The following SLIT3 variants were observed in gnomAD, a reference collection of about 807,000 sequenced individuals.
The protein encoded by SLIT3 is slit guidance ligand 3, also known as slit homolog 3 protein.
SLIT3 carries 68 observed loss-of-function variants against 184.0 expected under a neutral mutation model. The ratio of observed to expected loss-of-function variants is 0.37; its 90% CI spans 0.30 to 0.45. The LOEUF (loss-of-function observed/expected upper bound fraction) is 0.45. Among genes scored for constraint, SLIT3 ranks in the 20% least tolerant of loss-of-function variants. The pLI is 1.00. For synonymous variants in SLIT3, 831 were observed against 828.6 expected, an observed-to-expected ratio of 1.00 and a Z score of -0.05; for missense variants, 1,707 against 2,026.0, an observed-to-expected ratio of 0.84 and a Z score of 3.02.
chr5:168,937,317 A>T (rs1284068767), intron 4 of SLIT3, among the ~76,000 whole-genome samples: 1 of 152,138 alleles, frequency 6.6e-6, no homozygotes, highest in East Asian at 1.9e-4. Context: ...AAGTGTTGTG[A>T]GCAGGAGAGT....
chr5:169,137,884 T>C (rs1761581492), intron 4 of SLIT3, among the ~76,000 whole-genome samples: 1 of 152,122 alleles, frequency 6.6e-6, no homozygotes, highest in African/African-American at 2.4e-5. Context: ...TTTTATGACC[T>C]TTTCCTCATC....
chr5:168,822,300 A>G (rs1177411279), intron 7 of SLIT3, among the ~76,000 whole-genome samples: 1 of 152,186 alleles, frequency 6.6e-6, no homozygotes, highest in Non-Finnish European at 1.5e-5. Context: ...GGCACTTTAA[A>G]TATCTAATTT....
At chr5:168,795,968 A>G (rs1017011861) in intron 9 of SLIT3, among the ~76,000 whole-genome samples, 2 of 152,236 alleles carry the variant, frequency 1.3e-5, no homozygotes, top group African/African-American at 4.8e-5. Context: ...ATGGGCCAGC[A>G]ATGCTTATCT....
chr5:168,924,752 A>G (rs1761758129), intron 4 of SLIT3, among the ~76,000 whole-genome samples: 1 of 152,150 alleles, frequency 6.6e-6, no homozygotes, highest in South Asian at 2.1e-4. Flanking sequence ...AGCTCAAGCA[A>G]TCTGCTCGCT....
At chr5:168,852,704 C>A (rs1196453386) in intron 5 of SLIT3, among the ~76,000 whole-genome samples, 1 of 152,190 alleles carries the variant, frequency 6.6e-6, no homozygotes, top group South Asian at 2.1e-4. Flanking sequence ...ACTAACTAAC[C>A]CTTTGAAGGC....
chr5:168,949,458 C>T (rs1762579769), intron 4 of SLIT3, among the ~76,000 whole-genome samples: 1 of 152,286 alleles, frequency 6.6e-6, no homozygotes, highest in South Asian at 2.1e-4. Flanking sequence ...TATAGCCAGC[C>T]TATCCTCCAG....
chr5:169,080,561 C>T (rs1428191613), intron 4 of SLIT3, among the ~76,000 whole-genome samples: 1 of 152,114 alleles, frequency 6.6e-6, no homozygotes, highest in East Asian at 1.9e-4. Context: ...TCTAGGGCCT[C>T]CGAGGTGAGA....
At chr5:169,111,855 G>A (rs773559602) in intron 4 of SLIT3, among the ~76,000 whole-genome samples, 3 of 152,168 alleles carry the variant, frequency 2.0e-5, no homozygotes, top group South Asian at 2.1e-4. Context: ...TCTAGGGGAC[G>A]GTGATGCAAA....
chr5:168,986,254 A>T lies in SLIT3; in HGVS notation c.414-102918T>A, dbSNP rs1231207454. Among the ~76,000 whole-genome samples the T allele has an allele frequency of 3.9e-5, 6 of 152,192 alleles. No individual in the cohort carries two copies. The South Asian group carries it at 1.2e-3, about 32-fold the overall frequency. On this transcript the variant is annotated intron_variant, in intron 4 of 35. Transcript: ENST00000519560. The stretch of plus-strand genomic sequence containing the variant: ...ACGTAGGGCAAAAATCACGATCCCT[A>T]TATGATAGATGATGAAATGGAGGCC...
At chr5:168,699,260 G>T (rs1301105853) in intron 27 of SLIT3, among the ~76,000 whole-genome samples, 2 of 152,240 alleles carry the variant, frequency 1.3e-5, no homozygotes, top group African/African-American at 4.8e-5. Flanking sequence ...CGGGGGAAGA[G>T]AACCGGGAGC....
At position 168,884,549 on chromosome 5, in the gene SLIT3, GATATATATATATAT is replaced by G. The variant is rs58407375; in HGVS notation, c.414-1227_414-1214del. Among the ~76,000 whole-genome samples, 48 of 41,150 alleles carry G rather than the reference GATATATATATATAT, an allele frequency of 1.2e-3. 3 individuals carry two copies. The highest frequency in any genetic ancestry group is 5.7e-3 in the Admixed American group (17 of 2,980). The allele number at this position is 41,150 out of a possible 152,430, so 27.0% of individuals were successfully genotyped here. A position where few individuals can be genotyped will look rare whatever the true frequency, so the allele number is the denominator to read the frequency against. ...ATCTAACTACTGCTACCAATTACGA[GATATATATATATAT>G]ATATATATATATATATATGAAATTC... On this transcript the variant is annotated intron_variant, in intron 4 of 35. Transcript: ENST00000519560.
intron 4 of SLIT3, among the ~76,000 whole-genome samples, chr5:168,946,126 C>G (rs1284532281): frequency 1.3e-5 from 2 of 152,184 alleles, no homozygotes; most frequent in Non-Finnish European, 2.9e-5. Context: ...CTGAGTTTAC[C>G]TGGCTGGTTT....
intron 4 of SLIT3, among the ~76,000 whole-genome samples, chr5:168,892,182 T>C (rs1760488897): frequency 6.6e-6 from 1 of 152,260 alleles, no homozygotes; most frequent in Non-Finnish European, 1.5e-5. Flanking sequence ...AATTTTAATA[T>C]GATATTTAAC....
At chr5:168,775,688 T>C (rs1242591392) in intron 12 of SLIT3, among the ~76,000 whole-genome samples, 1 of 152,182 alleles carries the variant, frequency 6.6e-6, no homozygotes, top group Non-Finnish European at 1.5e-5. Flanking sequence ...AGATGTATAA[T>C]AACTCCATAT....
intron 26 of SLIT3, among the ~76,000 whole-genome samples, chr5:168,703,795 T>C (rs575519571): frequency 6.6e-5 from 10 of 151,670 alleles, no homozygotes; most frequent in African/African-American, 2.2e-4. Context: ...CTACTAAAAA[T>C]ACAAAAATTA....
At chr5:168,825,960 C>T (rs887119452) in intron 6 of SLIT3, among the ~76,000 whole-genome samples, 6 of 152,130 alleles carry the variant, frequency 3.9e-5, no homozygotes, top group Non-Finnish European at 2.9e-5. Flanking sequence ...GACCACCAGA[C>T]AAAAAAATCT....
chr5:169,038,643 A>C (rs1459721606), intron 4 of SLIT3, among the ~76,000 whole-genome samples: 1 of 152,170 alleles, frequency 6.6e-6, no homozygotes, highest in Non-Finnish European at 1.5e-5. Flanking sequence ...GTTCACACCC[A>C]TATTTACCCA....
chr5:169,094,383 C>T (rs1336555367), intron 4 of SLIT3, among the ~76,000 whole-genome samples: 2 of 152,230 alleles, frequency 1.3e-5, no homozygotes, highest in African/African-American at 4.8e-5. Context: ...AATCCCAGCA[C>T]TTTGGGAGGC....
At chr5:168,877,538 C>T (rs977311969) in intron 5 of SLIT3, among the ~76,000 whole-genome samples, 24 of 152,148 alleles carry the variant, frequency 1.6e-4, no homozygotes, top group African/African-American at 4.6e-4. Flanking sequence ...ATGCTACCAA[C>T]GAACGGGTGC....
Sources: allele counts gnomAD v4.1 joint callset (sites outside exome capture counted in the v4.1 genomes callset), GRCh38; gene constraint gnomAD v4.1.1; transcripts MANE v1.5; gene names NCBI Gene and HGNC (gene_info 2026-07-23, HGNC 2026-07-21).